Variants in MED13 observed in about 807,000 individuals in gnomAD.
MED13 encodes mediator complex subunit 13.
Under a neutral mutation model 225.2 loss-of-function variants are expected in MED13, and 23 were observed. The ratio of observed to expected loss-of-function variants is 0.10; its 90% CI spans 0.07 to 0.14. MED13 has a LOEUF of 0.14. Ranked by LOEUF, MED13 falls within the 10% of genes least tolerant of loss-of-function variation. The pLI is 1.00. For missense variants in MED13, 2,197 were observed against 2,594.5 expected (o/e 0.85, Z 3.33); for synonymous variants, 942 against 889.2 (o/e 1.06, Z -1.06).
At chr17:61,984,098 C>G (rs1030953721) in intron 15 of MED13, 73 bp downstream of exon 15, 4 of 1,114,254 alleles carry the variant, frequency 3.6e-6, no homozygotes, top group Non-Finnish European at 4.8e-6. Context: ...TTCCAGCATA[C>G]CAGGTAAATC....
At chr17:61,959,166 G>T (rs1431397910) in intron 23 of MED13, among the ~76,000 whole-genome samples, 2 of 152,068 alleles carry the variant, frequency 1.3e-5, no homozygotes, top group African/African-American at 4.8e-5. Flanking sequence ...ACCATGCCTG[G>T]CTAATTTTTT....
In MED13 at chr17:61,982,461, G is replaced by C; in HGVS notation, c.3542C>G (p.Ser1181Cys). Residue 1181 changes from serine to cysteine, a missense_variant, in exon 16 of 30, where the codon TCT becomes TGT. By Grantham distance (112) the Ser-to-Cys change is moderately radical (BLOSUM62 -1). Around this residue, in one of 12 missense-constraint regions of MED13, gnomAD observed 203 missense variants for 209.7 expected, o/e 0.97. Transcript: ENST00000397786. ...AEHVNGGLKE[S>C]EKLSDDLILL... ...TATCAAATCATCAGATAATTTTTCA[G>C]ATTCCTTTAGTCCTCCATTAACATG... is the stretch of plus-strand genomic sequence containing the variant. 6.2e-7 allele frequency: 1 copy of C among 1,614,194 alleles called. No homozygotes were observed. Among genetic ancestry groups the C allele is most frequent in the Non-Finnish European group, 8.5e-7 (1 of 1,180,034 alleles).
intron 9 of MED13, among the ~76,000 whole-genome samples, chr17:62,000,067 C>A (rs2080381369): frequency 6.6e-6 from 1 of 152,030 alleles, no homozygotes; most frequent in African/African-American, 2.4e-5. Flanking sequence ...AAGATCCTCT[C>A]TCATAAAAAG....
chr17:61,985,168 T>G (rs2080237217), intron 12 of MED13, 78 bp from the exon 13 acceptor site: 1 of 1,208,250 alleles, frequency 8.3e-7, no homozygotes, highest in African/African-American at 1.5e-5. Context: ...CAGATATAAC[T>G]TAACAGTAAA....
At chr17:61,979,188 C>T (rs2080182476) in intron 16 of MED13, among the ~76,000 whole-genome samples, 1 of 151,930 alleles carries the variant, frequency 6.6e-6, no homozygotes, top group Admixed American at 6.6e-5. Context: ...GGACTTGTTC[C>T]CTCTTCCTCT....
At chr17:62,008,898 A>G (rs79290040) in intron 9 of MED13, among the ~76,000 whole-genome samples, 135 of 152,316 alleles carry the variant, frequency 8.9e-4, no homozygotes, top group African/African-American at 3.2e-3. Context: ...CATTATCTGG[A>G]GCAATCTGAT....
Position 61,968,303 on chromosome 17 carries a change from CAT to C in MED13, c.3968-47_3968-46del, listed in dbSNP as rs778601036. 65 of 1,284,984 alleles carry C rather than the reference CAT, an allele frequency of 5.1e-5. No homozygotes were observed. In the Middle Eastern group the frequency reaches 5.6e-3, roughly 110 times the overall value. The allele number at this position is 1,284,984 out of a possible 1,614,324, so 79.6% of individuals were successfully genotyped here. A position where few individuals can be genotyped will look rare whatever the true frequency, so the allele number is the denominator to read the frequency against. On this transcript the variant is annotated intron_variant, in intron 17 of 29. Coordinates refer to ENST00000397786, the MANE Select transcript of MED13 (RefSeq NM_005121.3). ...TTTAAGAAAACACTTAAAAACAAGA[CAT>C]GTCTCCTTTTTATTTATTTATTTAT... is the stretch of plus-strand genomic sequence containing the variant.
At chr17:62,006,163 A>C (rs1479259103) in intron 9 of MED13, 1 of 151,924 alleles carries the variant, frequency 6.6e-6, no homozygotes, top group Non-Finnish European at 1.5e-5. Context: ...AAACAACAGG[A>C]GAGTCTAACT....
intron 8 of MED13, among the ~76,000 whole-genome samples, chr17:62,015,641 T>C (rs1218862628): frequency 6.7e-6 from 1 of 149,258 alleles, no homozygotes; most frequent in Non-Finnish European, 1.5e-5. Flanking sequence ...TGGCGTGATC[T>C]CCGCTCACTG....
chr17:62,056,603 CT>C (rs11449918), intron 2 of MED13, among the ~76,000 whole-genome samples: 1 of 151,638 alleles, frequency 6.6e-6, no homozygotes, highest in Non-Finnish European at 1.5e-5. Flanking sequence ...CTCCAAAAAA[CT>C]TTTTTTAGTT....
At chr17:61,975,769 A>G (rs1441469400) in intron 16 of MED13, among the ~76,000 whole-genome samples, 2 of 152,288 alleles carry the variant, frequency 1.3e-5, no homozygotes, top group African/African-American at 2.4e-5. Context: ...TAATCCCAGC[A>G]CTTTGGGAGG....
Position 62,010,540 on chromosome 17 carries a change from A to G in MED13, c.1967+10T>C, listed in dbSNP as rs1271560821. ...AAATTATAATGGTGACTATTAAAAA[A>G]AATACATACTCTGTAACTGATGTTA... On this transcript the variant is annotated intron_variant, in intron 9 of 29. Coordinates refer to ENST00000397786, the MANE Select transcript of MED13 (RefSeq NM_005121.3). 3.5e-6 allele frequency: 5 copies of G among 1,411,192 alleles called. No individual in the cohort carries two copies. Among genetic ancestry groups the G allele is most frequent in the Non-Finnish European group, 4.6e-6 (5 of 1,077,360 alleles). The allele number at this position is 1,411,192 out of a possible 1,614,324, so 87.4% of individuals were successfully genotyped here.
intron 16 of MED13, among the ~76,000 whole-genome samples, chr17:61,980,395 TCA>T (rs2080194004): frequency 6.6e-6 from 1 of 152,128 alleles, no homozygotes; most frequent in Non-Finnish European, 1.5e-5. Context: ...TCATAATAAC[TCA>T]CACACAAAAT....
rs917508762 is a variant in MED13 at position 62,010,769 on chromosome 17, G to A, written c.1748C>T (p.Ser583Phe). Residue 583 changes from serine (S) to phenylalanine (F), a missense_variant, in exon 9 of 30, where the codon TCC becomes TTC. Physicochemically the swap from Ser to Phe is radical, Grantham distance 155. Around this residue, in one of 12 missense-constraint regions of MED13, gnomAD observed 884 missense variants for 918.5 expected, o/e 0.96. Transcript: ENST00000397786. Reference protein sequence around the residue: ...KPMEDRIDSLSQSFPPQYQEA... With the variant: ...KPMEDRIDSLFQSFPPQYQEA... ...CTGATATTGAGGTGGGAAAGACTGG[G>A]ACAAACTGTCTATCCTATCTTCCAT... is the stretch of plus-strand genomic sequence containing the variant. 1.9e-6 allele frequency: 3 copies of A among 1,614,010 alleles called. No individual in the cohort carries two copies. Among genetic ancestry groups the A allele is most frequent in the African/African-American group, 2.7e-5 (2 of 74,930 alleles).
At chr17:61,974,336 C>G (rs142769851) in intron 16 of MED13, among the ~76,000 whole-genome samples, 2,175 of 152,130 alleles carry the variant, frequency 0.014, 27 homozygotes, top group Middle Eastern at 0.037. Context: ...CCCATGAGGT[C>G]AAGGTTACAG....
At position 61,982,316 on chromosome 17, in the gene MED13, G is replaced by A. The variant is rs751236505; in HGVS notation, c.3687C>T (p.Cys1229=). The A allele has an allele frequency of 3.1e-6, 5 of 1,614,080 alleles. No homozygotes were observed. The highest frequency in any genetic ancestry group is 2.5e-6 in the Non-Finnish European group (3 of 1,180,040). The stretch of plus-strand genomic sequence containing the variant: ...GTTCTAATGCAAGGTAGCAGTCATT[G>A]CAACAGTCACGCTCTTCAACACGTA... ...NWVRVEERDC[C]NDCYLALEHG... The change falls in exon 16 of 30, where the codon TGC becomes TGT. Residue 1229 remains cysteine (C), a synonymous_variant. Transcript: ENST00000397786.
At chr17:61,992,384 A>G (rs1386100288) in intron 11 of MED13, among the ~76,000 whole-genome samples, 156 bp downstream of exon 11, 4 of 152,234 alleles carry the variant, frequency 2.6e-5, no homozygotes, top group East Asian at 3.8e-4. Context: ...TTCTTCCAAT[A>G]AAAGATAACC....
chr17:61,990,627 G>GTGTATATATATATATATATA (rs906431943), intron 11 of MED13, among the ~76,000 whole-genome samples: 11 of 139,006 alleles, frequency 7.9e-5, no homozygotes, highest in African/African-American at 2.2e-4. Flanking sequence ...GGCGCACTGT[G>GTGTATATATATATATATATA]TATATATATA....
At chr17:62,052,393 A>C (rs993587762) in intron 3 of MED13, 144 bp downstream of exon 3, 4 of 499,196 alleles carry the variant, frequency 8.0e-6, no homozygotes, top group African/African-American at 2.0e-5. Context: ...AAAAAAAAAA[A>C]AAACCTGACT....
Sources: allele counts gnomAD v4.1 joint callset (sites outside exome capture counted in the v4.1 genomes callset), GRCh38; gene constraint gnomAD v4.1.1; regional missense constraint gnomAD v4.1.1; transcripts MANE v1.5; gene names NCBI Gene and HGNC (gene_info 2026-07-23, HGNC 2026-07-21).